Variants in GALNT13 observed in about 807,000 individuals in gnomAD.
GALNT13 encodes the protein polypeptide N-acetylgalactosaminyltransferase 13.
GALNT13 carries 28 observed loss-of-function variants against 64.2 expected under a neutral mutation model. That is an observed-to-expected ratio of 0.44 (90% CI 0.32 to 0.60). The LOEUF (loss-of-function observed/expected upper bound fraction) is 0.60. Among genes scored for constraint, GALNT13 ranks in the 20% least tolerant of loss-of-function variants. The pLI, the probability that GALNT13 is intolerant of heterozygous loss-of-function variation, is 0.05. For missense variants in GALNT13, 577 were observed against 669.8 expected, an observed-to-expected ratio of 0.86 and a Z score of 1.53; for synonymous variants, 214 against 224.6, an observed-to-expected ratio of 0.95 and a Z score of 0.42.
chr2:153,426,011 T>C, the GALNT13 span, among the ~76,000 whole-genome samples: 2 of 152,024 alleles, frequency 1.3e-5, no homozygotes, highest in South Asian at 2.1e-4. Context: ...TTTCTTGGAT[T>C]TCACCAATTT....
At chr2:154,225,740 A>T (rs896410804) in intron 4 of GALNT13, among the ~76,000 whole-genome samples, 1 of 152,090 alleles carries the variant, frequency 6.6e-6, no homozygotes, top group African/African-American at 2.4e-5. Context: ...ATACAGGGGA[A>T]GTTTGTCCAT....
the GALNT13 span, among the ~76,000 whole-genome samples, chr2:153,339,146 G>A: frequency 1.3e-5 from 2 of 152,174 alleles, no homozygotes; most frequent in African/African-American, 4.8e-5. Flanking sequence ...TCCAGTAATG[G>A]GATTGGTGGG....
the GALNT13 span, among the ~76,000 whole-genome samples, chr2:153,102,202 A>C: frequency 6.7e-6 from 1 of 148,450 alleles, no homozygotes. Context: ...TTCTCTCTCT[A>C]TCTCCCTCTC....
At chr2:154,344,037 C>A (rs753158469) in intron 9 of GALNT13, among the ~76,000 whole-genome samples, 2 of 151,886 alleles carry the variant, frequency 1.3e-5, no homozygotes, top group Non-Finnish European at 2.9e-5. Flanking sequence ...TTTCTCTCTC[C>A]TTGTGAGTCT....
the GALNT13 span, among the ~76,000 whole-genome samples, chr2:153,679,961 T>C: frequency 3.3e-5 from 5 of 152,036 alleles, no homozygotes; most frequent in Non-Finnish European, 5.9e-5. Flanking sequence ...CATTTTTCAT[T>C]ATTCTGAATT....
chr2:154,225,458 A>G (rs776276691), intron 4 of GALNT13, among the ~76,000 whole-genome samples: 4 of 152,064 alleles, frequency 2.6e-5, no homozygotes, highest in East Asian at 1.9e-4. Flanking sequence ...ATAAAACTGT[A>G]TATGAATTTA....
chr2:154,125,171 C>T (rs1682183314), intron 3 of GALNT13, among the ~76,000 whole-genome samples: 1 of 152,068 alleles, frequency 6.6e-6, no homozygotes, highest in Non-Finnish European at 1.5e-5. Flanking sequence ...ATGAGCACAG[C>T]ATAAGTGTTA....
At chr2:154,079,699 G>A (rs992708390) in intron 3 of GALNT13, among the ~76,000 whole-genome samples, 4 of 151,442 alleles carry the variant, frequency 2.6e-5, no homozygotes, top group East Asian at 2.0e-4. Context: ...GTGTGATTAC[G>A]AAGTTGCTTG....
chr2:153,893,272 T>C (rs542364352), intron 1 of GALNT13, among the ~76,000 whole-genome samples: 7 of 152,236 alleles, frequency 4.6e-5, no homozygotes, highest in East Asian at 1.9e-4. Flanking sequence ...TTCTTACTTA[T>C]GTTGCAACTT....
the GALNT13 span, among the ~76,000 whole-genome samples, chr2:153,096,971 A>G: frequency 4.0e-5 from 6 of 151,530 alleles, no homozygotes; most frequent in Admixed American, 2.0e-4. Flanking sequence ...TCTTCTTTTT[A>G]TTGAAGGTAA....
upstream of GALNT13, among the ~76,000 whole-genome samples, chr2:153,868,728 G>A (rs990352906): frequency 9.2e-5 from 14 of 152,094 alleles, no homozygotes; most frequent in African/African-American, 3.1e-4. Context: ...TATACATTTG[G>A]CCTTATATTG....
At chr2:154,424,699 A>G (rs1203366874) in intron 11 of GALNT13, among the ~76,000 whole-genome samples, 2 of 152,230 alleles carry the variant, frequency 1.3e-5, no homozygotes, top group Non-Finnish European at 2.9e-5. Flanking sequence ...GTTGCCAGGG[A>G]TCCCCAACAG....
At chr2:153,844,414 A>G in the GALNT13 span, among the ~76,000 whole-genome samples, 1 of 152,164 alleles carries the variant, frequency 6.6e-6, no homozygotes. Context: ...TGTGGAGAGC[A>G]TTGTCCCAAG....
the GALNT13 span, among the ~76,000 whole-genome samples, chr2:153,719,004 C>T: frequency 6.6e-6 from 1 of 152,132 alleles, no homozygotes; most frequent in Admixed American, 6.6e-5. Context: ...CACTGGTCAT[C>T]ATTAACTGTA....
chr2:154,251,604 A>C (rs1260202863), intron 7 of GALNT13, among the ~76,000 whole-genome samples: 2 of 152,182 alleles, frequency 1.3e-5, no homozygotes, highest in African/African-American at 4.8e-5. Flanking sequence ...AAGCCAGCAT[A>C]AAGTCTTAAA....
At chr2:154,028,783 G>T (rs554716914) in intron 3 of GALNT13, among the ~76,000 whole-genome samples, 2 of 152,014 alleles carry the variant, frequency 1.3e-5, no homozygotes, top group Non-Finnish European at 2.9e-5. Flanking sequence ...CTAAACAGGA[G>T]ACTTAGACTT....
the GALNT13 span, among the ~76,000 whole-genome samples, chr2:153,178,732 CTTTTT>C: frequency 9.1e-5 from 9 of 98,396 alleles, no homozygotes; most frequent in African/African-American, 2.3e-4. Context: ...TTCTCTTCTT[CTTTTT>C]TTTTTTTTTT....
chr2:153,658,714 T>A, the GALNT13 span, among the ~76,000 whole-genome samples: 1 of 151,652 alleles, frequency 6.6e-6, no homozygotes, highest in Admixed American at 6.6e-5. Flanking sequence ...AGATTACATA[T>A]GTTGTATAAA....
At chr2:153,563,397 GA>G in the GALNT13 span, among the ~76,000 whole-genome samples, 759 of 152,096 alleles carry the variant, frequency 5.0e-3, 3 homozygotes, top group African/African-American at 0.017. Flanking sequence ...TTTATCATCA[GA>G]TTTTTTAGTG....
Sources: allele counts gnomAD v4.1 joint callset (sites outside exome capture counted in the v4.1 genomes callset), GRCh38; gene constraint gnomAD v4.1.1; transcripts MANE v1.5; gene names NCBI Gene and HGNC (gene_info 2026-07-23, HGNC 2026-07-21).